The following ZNF16 variants were observed in gnomAD, a reference collection of about 807,000 sequenced individuals.
ZNF16 encodes the protein zinc finger protein 16, also known as zinc finger protein KOX9.
Under a neutral mutation model 9.0 loss-of-function variants are expected in ZNF16, and 7 were observed. That is an observed-to-expected ratio of 0.78 (90% CI 0.44 to 1.47). ZNF16 has a LOEUF of 1.47. ZNF16 is among the 40% of genes most tolerant of loss of function. ZNF16 has a pLI of 0.01. For synonymous variants in ZNF16, 312 were observed against 301.5 expected, an observed-to-expected ratio of 1.03 and a Z score of -0.36; for missense variants, 830 against 854.2, an observed-to-expected ratio of 0.97 and a Z score of 0.35.
At chr8:144,950,023 A>G (rs1480094267) in intron 1 of ZNF16, among the ~76,000 whole-genome samples, 5 of 152,228 alleles carry the variant, frequency 3.3e-5, no homozygotes, top group Admixed American at 1.3e-4. Flanking sequence ...GAGACAGGAG[A>G]AAAACTGCCC....
rs372682379 is a variant in ZNF16, at chr8:144,932,472, C to G, written c.315G>C (p.Glu105Asp). ...NYAGDVSQVP[E>D]LGDLCDDVSE... Reference sequence around the variant, plus strand: ...ATACATCATCACACAGATCTCCAAGCTCGGGTACCTGGGAAACATCACCAG... The same window carrying G: ...ATACATCATCACACAGATCTCCAAGGTCGGGTACCTGGGAAACATCACCAG... Residue 105 changes from glutamate to aspartate, a missense_variant, in exon 3 of 3, where the codon GAG (glutamate) becomes GAC (aspartate). Coordinates refer to ENST00000394909, the MANE Select transcript of ZNF16 (RefSeq NM_006958.3). This position sits in a 1 kb window ranked among gnomAD's most constrained non-coding sequence, Gnocchi z 5.0. 1 of 1,614,238 alleles carries G rather than the reference C, an allele frequency of 6.2e-7. No individual in the cohort carries two copies. The highest frequency in any genetic ancestry group is 8.5e-7 in the Non-Finnish European group (1 of 1,180,056).
chr8:144,950,157 A>C (rs114344486), intron 1 of ZNF16, among the ~76,000 whole-genome samples: 1 of 151,610 alleles, frequency 6.6e-6, no homozygotes, highest in Non-Finnish European at 1.5e-5. Context: ...ACCTCCCCTT[A>C]AACTTAATTA....
At chr8:144,947,302 G>A (rs1833985379) in intron 1 of ZNF16, among the ~76,000 whole-genome samples, 1 of 15,926 alleles carries the variant, frequency 6.3e-5, no homozygotes, top group Non-Finnish European at 1.2e-4. Context: ...ACCCTGCTGC[G>A]GGCCTGTACC....
At chr8:144,947,192 CCTGTGTCCTGCTGTTGGG>C (rs1833978368) in intron 1 of ZNF16, among the ~76,000 whole-genome samples, 1 of 129,770 alleles carries the variant, frequency 7.7e-6, no homozygotes, top group African/African-American at 3.2e-5. Context: ...CTGCTGTGGG[CCTGTGTCCTGCTGTTGGG>C]CTTGTGTCCT....
At chr8:144,950,008 A>G (rs528092150) in intron 1 of ZNF16, among the ~76,000 whole-genome samples, 10 of 152,242 alleles carry the variant, frequency 6.6e-5, no homozygotes, top group African/African-American at 1.2e-4. Context: ...CATTTGTTCA[A>G]TTCTGAGACA....
intron 1 of ZNF16, among the ~76,000 whole-genome samples, chr8:144,949,564 TG>T (rs1367557788): frequency 6.6e-6 from 1 of 152,252 alleles, no homozygotes; most frequent in Non-Finnish European, 1.5e-5. Flanking sequence ...GCTGTTAATT[TG>T]TAACTTTGCC....
At position 144,950,193 on chromosome 8, in the gene ZNF16, CTTT is replaced by C. The variant is rs1011638063; in HGVS notation, c.-10+601_-10+603del. Among the ~76,000 whole-genome samples, 69 of 149,706 alleles carry C rather than the reference CTTT, an allele frequency of 4.6e-4. 1 individual carries two copies. The highest frequency in any genetic ancestry group is 1.4e-3 in the African/African-American group (56 of 39,354). ...TGGCACAGATTCTTTTGCTCACATGCTTTTTTTTGCTGACCTTCTCCCTATTAT... is the reference window on the plus strand; with the variant it reads ...TGGCACAGATTCTTTTGCTCACATGCTTTTTGCTGACCTTCTCCCTATTAT... On this transcript the variant is annotated intron_variant, in intron 1 of 2. Transcript: ENST00000394909.
chr8:144,946,833 A>G lies in ZNF16; in HGVS notation c.-9-618T>C, dbSNP rs76582743. Among the ~76,000 whole-genome samples the G allele has an allele frequency of 4.2e-3, 199 of 47,158 alleles. 10 individuals carry two copies. In the South Asian group the frequency reaches 0.077, roughly 18 times the overall value. The allele number at this position is 47,158 out of a possible 152,430, so 30.9% of individuals were successfully genotyped here. ...GGGCTGTGTCCTGCTGTGGGCCTGT[A>G]TCCTGCTGTTGGGCCTGTGTCCTGC... On this transcript the variant is annotated intron_variant, in intron 1 of 2. Transcript: ENST00000394909.
At chr8:144,950,271 A>C (rs1347066037) in intron 1 of ZNF16, 2 of 152,216 alleles carry the variant, frequency 1.3e-5, no homozygotes, top group African/African-American at 4.8e-5. Flanking sequence ...GAAAATAATA[A>C]TCAATAAAAA....
chr8:144,934,927 G>A (rs1474754090), intron 2 of ZNF16, among the ~76,000 whole-genome samples: 9 of 152,162 alleles, frequency 5.9e-5, no homozygotes, highest in Non-Finnish European at 4.4e-5. Context: ...AGCTGGATTT[G>A]GTGACCTCTG....
In ZNF16 at chr8:144,933,545, C is replaced by T. The variant is rs1173712399; in HGVS notation, c.197-955G>A. Among the ~76,000 whole-genome samples the T allele has an allele frequency of 6.6e-6, 1 of 152,140 alleles. No individual in the cohort carries two copies. The highest frequency in any genetic ancestry group is 2.4e-5 in the African/African-American group (1 of 41,414). The stretch of plus-strand genomic sequence containing the variant: ...ACTCAAATGAAGATGTCACGAGTCT[C>T]TCATTCAAACTGACATCCCAGGCCA... On this transcript the variant is annotated intron_variant, in intron 2 of 2. Transcript: ENST00000394909. The surrounding 1 kb of genome is among the most constrained non-coding windows in gnomAD (Gnocchi z 5.6).
chr8:144,931,990 T>A lies in ZNF16; in HGVS notation c.797A>T (p.Gln266Leu), dbSNP rs1334387735. ...GAAGGCTTTCCCACATTCGCTGCACTGGTAAGCTTTCTCACTCATATGAGA... is the reference window on the plus strand; with the variant it reads ...GAAGGCTTTCCCACATTCGCTGCACAGGTAAGCTTTCTCACTCATATGAGA... ...HRSHMSEKAY[Q>L]CSECGKAFRG... Residue 266 changes from glutamine to leucine, a missense_variant, in exon 3 of 3, where the codon CAG (glutamine) becomes CTG (leucine). Gln to Leu is a moderately radical substitution (Grantham distance 113, BLOSUM62 -2). Coordinates refer to ENST00000394909, the MANE Select transcript of ZNF16 (RefSeq NM_006958.3). 4.0e-5 allele frequency: 65 copies of A among 1,613,898 alleles called. No homozygotes were observed. The highest frequency in any genetic ancestry group is 5.3e-5 in the Non-Finnish European group (63 of 1,179,914).
rs1469957655 is a variant in ZNF16 at position 144,930,854 on chromosome 8, T to C, written c.1933A>G (p.Ile645Val). 1.9e-6 allele frequency: 3 copies of C among 1,602,516 alleles called. No homozygotes were observed. The highest frequency in any genetic ancestry group is 2.6e-6 in the Non-Finnish European group (3 of 1,173,786). The change falls in exon 3 of 3, where the codon ATC becomes GTC. Residue 645 changes from isoleucine (I) to valine (V), a missense_variant. Physicochemically the swap from Ile to Val is conservative, Grantham distance 29. Coordinates refer to ENST00000394909, the MANE Select transcript of ZNF16 (RefSeq NM_006958.3). Reference sequence around the variant, plus strand: ...CCAGTGTGAATCCTCTGGTGCTGGATGAGGACCGAACGCTGACTGAAGGCT... The same window carrying C: ...CCAGTGTGAATCCTCTGGTGCTGGACGAGGACCGAACGCTGACTGAAGGCT... ...GKAFSQRSVLIQHQRIHTGVK... is the reference protein window; with the variant it reads ...GKAFSQRSVLVQHQRIHTGVK...
At chr8:144,940,023 T>G (rs1341137184) in intron 2 of ZNF16, among the ~76,000 whole-genome samples, 1 of 152,186 alleles carries the variant, frequency 6.6e-6, no homozygotes, top group African/African-American at 2.4e-5. Flanking sequence ...GGATTTTATT[T>G]GCTCTTCTTT....
rs769210750 is a variant in ZNF16, at chr8:144,945,895, C to A, written c.196+116G>T. ...AGCCTTGGCTCCTTGAGTCAGAGTA[C>A]CCCGTCACCCTCCCTACCTGTGATG... On this transcript the variant is annotated intron_variant, in intron 2 of 2. Transcript: ENST00000394909. The A allele has an allele frequency of 2.0e-6, 3 of 1,483,050 alleles. No homozygotes were observed. In the East Asian group the frequency reaches 7.1e-5, roughly 35 times the overall value. 91.9% of individuals were successfully genotyped at this position (1,483,050 alleles called of 1,614,324 possible).
intron 1 of ZNF16, among the ~76,000 whole-genome samples, chr8:144,949,329 C>G (rs550951268): frequency 5.9e-5 from 9 of 152,244 alleles, no homozygotes; most frequent in Admixed American, 5.2e-4. Flanking sequence ...CTGAGCGAAA[C>G]CCCCTTTCTC....
intron 2 of ZNF16, among the ~76,000 whole-genome samples, chr8:144,942,116 T>G (rs926301413): frequency 6.6e-6 from 1 of 150,954 alleles, no homozygotes; most frequent in African/African-American, 2.4e-5. Flanking sequence ...TAGCTGGGAC[T>G]ACAGGTGCCC....
In ZNF16 at chr8:144,930,963, C is replaced by G; in HGVS notation, c.1824G>C (p.Lys608Asn). Residue 608 changes from lysine to asparagine, a missense_variant, in exon 3 of 3, where the codon AAG (lysine) becomes AAC (asparagine). Coordinates refer to ENST00000394909, the MANE Select transcript of ZNF16 (RefSeq NM_006958.3). Reference protein sequence around the residue: ...EKPYTCVECGKGFSQSSHLIQ... With the variant: ...EKPYTCVECGNGFSQSSHLIQ... ...TGAGGTGTGAGCTCTGGCTGAAGCC[C>G]TTACCACATTCAACACAGGTGTAGG... 2 of 1,613,912 alleles carry G rather than the reference C, an allele frequency of 1.2e-6. No individual in the cohort carries two copies. The highest frequency in any genetic ancestry group is 1.7e-6 in the Non-Finnish European group (2 of 1,179,924).
chr8:144,938,002 G>C (rs544993445), intron 2 of ZNF16, among the ~76,000 whole-genome samples: 1 of 152,130 alleles, frequency 6.6e-6, no homozygotes. Flanking sequence ...ATATCTACTT[G>C]TCTCAGCACC....
Sources: gnomAD v4.1 joint callset for allele counts (sites outside exome capture counted in the v4.1 genomes callset) on GRCh38, gnomAD v4.1.1 for gene constraint, Gnocchi (gnomAD v3.1) non-coding constraint, MANE v1.5 for transcripts, NCBI Gene and HGNC (gene_info 2026-07-23, HGNC 2026-07-21) for gene names.